The following KCNIP4 variants were observed in gnomAD, a reference collection of about 807,000 sequenced individuals.
KCNIP4 encodes the protein potassium voltage-gated channel interacting protein 4.
In KCNIP4, 12 loss-of-function variants were observed where a neutral mutation model predicts 34.0. The ratio of observed to expected loss-of-function variants is 0.35; its 90% CI spans 0.23 to 0.57. The LOEUF is 0.57. Ranked by LOEUF, KCNIP4 falls within the 20% of genes least tolerant of loss-of-function variation. The pLI, the probability that KCNIP4 is intolerant of heterozygous loss-of-function variation, is 0.83. For missense variants in KCNIP4, 238 were observed against 311.7 expected (o/e 0.76, Z 1.78); for synonymous variants, 124 against 102.2 (o/e 1.21, Z -1.29).
At chr4:21,233,457 AT>A (rs1311655673) in intron 1 of KCNIP4, among the ~76,000 whole-genome samples, 1 of 152,048 alleles carries the variant, frequency 6.6e-6, no homozygotes, top group African/African-American at 2.4e-5. Context: ...TTTGGGGGAG[AT>A]TTCTGAGTAT....
At chr4:21,428,009 G>A (rs908651775) in intron 1 of KCNIP4, among the ~76,000 whole-genome samples, 71 of 152,226 alleles carry the variant, frequency 4.7e-4, no homozygotes, top group African/African-American at 1.7e-3. Flanking sequence ...AAATTAAGCC[G>A]CAAGAATGGA....
intron 1 of KCNIP4, among the ~76,000 whole-genome samples, chr4:21,591,321 T>C (rs768169721): frequency 1.3e-5 from 2 of 151,922 alleles, no homozygotes; most frequent in African/African-American, 4.8e-5. Flanking sequence ...TAAAGAAAAA[T>C]TGTGAAATAT....
In KCNIP4 at chr4:21,098,296, A is replaced by G. The variant is rs531046447; in HGVS notation, c.62-215587T>C. Among the ~76,000 whole-genome samples the G allele has an allele frequency of 5.9e-5, 9 of 152,336 alleles. No homozygotes were observed. The South Asian group carries it at 1.4e-3, about 25-fold the overall frequency. On this transcript the variant is annotated intron_variant, in intron 1 of 8. Transcript: ENST00000382152. ...TAAGAAAATTGATGGAGGGGGCTGCATTAAATAATAGATTTTCAAGGTAGA... is the reference window on the plus strand; with the variant it reads ...TAAGAAAATTGATGGAGGGGGCTGCGTTAAATAATAGATTTTCAAGGTAGA...
intron 1 of KCNIP4, among the ~76,000 whole-genome samples, chr4:21,530,039 C>T (rs1021055674): frequency 3.3e-5 from 5 of 152,118 alleles, no homozygotes; most frequent in Non-Finnish European, 7.4e-5. Context: ...CTTTGTAGTG[C>T]GCTGTATACA....
Position 21,460,006 on chromosome 4 carries a change from T to C in KCNIP4, c.61+488565A>G, listed in dbSNP as rs139964415. On this transcript the variant is annotated intron_variant, in intron 1 of 8. Transcript: ENST00000382152. Reference sequence around the variant, plus strand: ...TCCTGTGCAAACGCAAATTGGATGATATCACTCCTCTGGTCCAATCTTCTC... The same window carrying C: ...TCCTGTGCAAACGCAAATTGGATGACATCACTCCTCTGGTCCAATCTTCTC... Among the ~76,000 whole-genome samples, 808 of 151,960 alleles carry C rather than the reference T, an allele frequency of 5.3e-3. 4 individuals are homozygous for C. Among genetic ancestry groups the C allele is most frequent in the Middle Eastern group, 0.017 (5 of 294 alleles).
At chr4:21,448,722 T>C (rs1456051715) in intron 1 of KCNIP4, among the ~76,000 whole-genome samples, 1 of 152,168 alleles carries the variant, frequency 6.6e-6, no homozygotes, top group Non-Finnish European at 1.5e-5. Context: ...ACATCCTTTT[T>C]ACTTCTGCTC....
chr4:21,580,720 T>C (rs1182766123), intron 1 of KCNIP4, among the ~76,000 whole-genome samples: 1 of 152,152 alleles, frequency 6.6e-6, no homozygotes, highest in Non-Finnish European at 1.5e-5. Flanking sequence ...TCAAAGATGG[T>C]AAATGCCCAA....
intron 1 of KCNIP4, among the ~76,000 whole-genome samples, chr4:20,955,046 C>T (rs73805237): frequency 3.8e-4 from 58 of 152,234 alleles, no homozygotes; most frequent in African/African-American, 1.3e-3. Context: ...GAGGCAGGCC[C>T]AGGGTAGAGG....
At chr4:21,836,773 G>A (rs1723348226) in intron 1 of KCNIP4, among the ~76,000 whole-genome samples, 3 of 152,010 alleles carry the variant, frequency 2.0e-5, no homozygotes, top group Non-Finnish European at 4.4e-5. Context: ...TAGTTCCAGG[G>A]CCCTGAAACC....
intron 1 of KCNIP4, among the ~76,000 whole-genome samples, chr4:21,062,052 C>A (rs1297913237): frequency 6.6e-6 from 1 of 152,138 alleles, no homozygotes; most frequent in Non-Finnish European, 1.5e-5. Context: ...GTTATTTAAG[C>A]CACCCAATAT....
chr4:21,284,493 C>T (rs146892171), intron 1 of KCNIP4, among the ~76,000 whole-genome samples: 14 of 152,098 alleles, frequency 9.2e-5, no homozygotes, highest in African/African-American at 3.1e-4. Context: ...ATGTAGAGCC[C>T]AAGGCAGGAT....
intron 3 of KCNIP4, among the ~76,000 whole-genome samples, chr4:20,773,888 C>T (rs1578585745): frequency 6.6e-6 from 1 of 152,096 alleles, no homozygotes; most frequent in South Asian, 2.1e-4. Context: ...AATTTAGTCA[C>T]CAAAAACTTG....
At chr4:21,399,609 A>G (rs1032231048) in intron 1 of KCNIP4, among the ~76,000 whole-genome samples, 5 of 151,806 alleles carry the variant, frequency 3.3e-5, no homozygotes, top group African/African-American at 1.2e-4. Context: ...CTTGCCAGAT[A>G]AAATACAGGA....
At chr4:21,269,572 A>G (rs1411284178) in intron 1 of KCNIP4, among the ~76,000 whole-genome samples, 1 of 151,804 alleles carries the variant, frequency 6.6e-6, no homozygotes, top group Non-Finnish European at 1.5e-5. Context: ...TGCCCAGCTA[A>G]TTTTTGTATG....
intron 1 of KCNIP4, among the ~76,000 whole-genome samples, chr4:21,105,635 G>A (rs1366400031): frequency 6.6e-6 from 1 of 151,586 alleles, no homozygotes; most frequent in African/African-American, 2.4e-5. Flanking sequence ...ACACTATGTT[G>A]AATAGGAGTG....
chr4:21,190,861 G>C lies in KCNIP4; in HGVS notation c.62-308152C>G, dbSNP rs1019919127. 3.9e-5 allele frequency among the ~76,000 whole-genome samples: 6 copies of C among 152,102 alleles called. No individual in the cohort carries two copies. The East Asian group carries it at 1.2e-3, about 29-fold the overall frequency. On this transcript the variant is annotated intron_variant, in intron 1 of 8. Transcript: ENST00000382152. ...CAGCTGCTCTGACACTCTGCTCCCA[G>C]CTTTTATTTCTGAGTTTCAAAGGTT...
chr4:21,490,415 G>A (rs557185176), intron 1 of KCNIP4, among the ~76,000 whole-genome samples: 15 of 151,674 alleles, frequency 9.9e-5, no homozygotes, highest in African/African-American at 3.4e-4. Context: ...TTGCATCCTC[G>A]ACCCCAAGAA....
At chr4:20,744,183 A>G (rs558179944) in intron 5 of KCNIP4, among the ~76,000 whole-genome samples, 1 of 152,334 alleles carries the variant, frequency 6.6e-6, no homozygotes, top group Admixed American at 6.5e-5. Flanking sequence ...AACTAGTTCA[A>G]CCATTGTGGA....
intron 1 of KCNIP4, among the ~76,000 whole-genome samples, chr4:20,953,816 C>T (rs1414622689): frequency 2.6e-5 from 4 of 152,172 alleles, no homozygotes; most frequent in African/African-American, 9.7e-5. Flanking sequence ...AAGAACTCTT[C>T]TCCATGAAGA....
Sources: allele counts gnomAD v4.1 joint callset (sites outside exome capture counted in the v4.1 genomes callset), GRCh38; gene constraint gnomAD v4.1.1; transcripts MANE v1.5; gene names NCBI Gene and HGNC (gene_info 2026-07-23, HGNC 2026-07-21).